PAX3: variants seen among roughly 807,000 people sequenced by gnomAD.
PAX3 encodes paired box protein Pax-3.
In PAX3, 14 loss-of-function variants were observed where a neutral mutation model predicts 51.6. That is an observed-to-expected ratio of 0.27 (90% CI 0.18 to 0.42). The LOEUF (loss-of-function observed/expected upper bound fraction) is 0.42. PAX3 is among the 10% of genes least tolerant of loss of function. The pLI is 1.00. For synonymous variants in PAX3, 280 were observed against 253.4 expected, an observed-to-expected ratio of 1.11 and a Z score of -1.00; for missense variants, 540 against 642.8, an observed-to-expected ratio of 0.84 and a Z score of 1.73.
At chr2:222,209,012 T>C (rs1410341429) in intron 7 of PAX3, among the ~76,000 whole-genome samples, 4 of 152,116 alleles carry the variant, frequency 2.6e-5, no homozygotes, top group Non-Finnish European at 4.4e-5. Flanking sequence ...AAATCACTTA[T>C]AATAAACTAG....
intron 2 of PAX3, 138 bp downstream of exon 2, chr2:222,296,840 G>T: frequency 1.4e-6 from 1 of 726,962 alleles, no homozygotes; most frequent in South Asian, 1.5e-5. Flanking sequence ...ACACACACGC[G>T]CGCCTTTACG....
At chr2:222,298,477 G>A (rs1326496329) in intron 1 of PAX3, 54 bp downstream of exon 1, 2 of 1,453,918 alleles carry the variant, frequency 1.4e-6, no homozygotes, top group Non-Finnish European at 1.9e-6. Context: ...GATGGGGTGA[G>A]GCAGCCGGTC....
intron 4 of PAX3, among the ~76,000 whole-genome samples, chr2:222,292,478 C>G (rs1195388836): frequency 6.6e-6 from 1 of 152,192 alleles, no homozygotes; most frequent in African/African-American, 2.4e-5. Flanking sequence ...GTTTGACCAG[C>G]TCATTTGGGA....
Position 222,274,557 on chromosome 2 carries a change from C to T in PAX3, c.586+19610G>A, listed in dbSNP as rs567883631. Reference sequence around the variant, plus strand: ...TTTTTTTTTTTAAAGTCTGCTTTTGCTACTTTAGAGTGGAAATGTTTTTAA... The same window carrying T: ...TTTTTTTTTTTAAAGTCTGCTTTTGTTACTTTAGAGTGGAAATGTTTTTAA... On this transcript the variant is annotated intron_variant, in intron 4 of 8. Coordinates refer to ENST00000392070, the MANE Select transcript of PAX3 (RefSeq NM_181458.4). 3.1e-4 allele frequency among the ~76,000 whole-genome samples: 47 copies of T among 151,532 alleles called. 2 individuals carry two copies. In the South Asian group the frequency reaches 8.5e-3, roughly 28 times the overall value.
intron 4 of PAX3, among the ~76,000 whole-genome samples, chr2:222,289,168 T>C (rs917611053): frequency 2.6e-5 from 4 of 152,228 alleles, no homozygotes; most frequent in Non-Finnish European, 5.9e-5. Context: ...TTTACCCTCA[T>C]AGATAAGTTA....
At chr2:222,243,224 A>G (rs556168428) in intron 4 of PAX3, among the ~76,000 whole-genome samples, 10 of 152,368 alleles carry the variant, frequency 6.6e-5, no homozygotes, top group African/African-American at 1.9e-4. Context: ...TATGCAAAGA[A>G]GTAAGAAGAC....
chr2:222,208,005 A>G lies in PAX3; in HGVS notation c.1174-5815T>C, dbSNP rs537358191. Reference sequence around the variant, plus strand: ...TATATATATACATATATGTGTGTGTATATATATATATATATAACTTCTAGT... The same window carrying G: ...TATATATATACATATATGTGTGTGTGTATATATATATATATAACTTCTAGT... On this transcript the variant is annotated intron_variant, in intron 7 of 8. Coordinates refer to ENST00000392070, the MANE Select transcript of PAX3 (RefSeq NM_181458.4). 6.3e-3 allele frequency among the ~76,000 whole-genome samples: 485 copies of G among 76,640 alleles called. 3 individuals carry two copies. Among genetic ancestry groups the G allele is most frequent in the Non-Finnish European group, 0.01 (232 of 22,458 alleles). 50.3% of individuals were successfully genotyped at this position (76,640 alleles called of 152,430 possible).
At position 222,282,905 on chromosome 2, in the gene PAX3, A is replaced by T. The variant is rs186650619; in HGVS notation, c.586+11262T>A. On this transcript the variant is annotated intron_variant, in intron 4 of 8. Transcript: ENST00000392070. ...ACTCTAAGCAGTAATTTTGAAACCT[A>T]TGTTCCTACTCAGATATAGGGATAG... 1.9e-3 allele frequency among the ~76,000 whole-genome samples: 294 copies of T among 152,358 alleles called. 1 individual carries two copies. The highest frequency in any genetic ancestry group is 3.4e-3 in the Middle Eastern group (1 of 294).
At chr2:222,276,286 G>A (rs2106166591) in intron 4 of PAX3, among the ~76,000 whole-genome samples, 1 of 152,320 alleles carries the variant, frequency 6.6e-6, no homozygotes, top group East Asian at 1.9e-4. Flanking sequence ...GCATCTCCCT[G>A]CGTGGAAGAA....
At chr2:222,277,402 T>G (rs539479200) in intron 4 of PAX3, among the ~76,000 whole-genome samples, 20 of 152,324 alleles carry the variant, frequency 1.3e-4, no homozygotes, top group Admixed American at 1.0e-3. Context: ...AGCTCCTTGC[T>G]GAACCCACCT....
At chr2:222,256,641 TA>T (rs1345144846) in intron 4 of PAX3, among the ~76,000 whole-genome samples, 1 of 152,250 alleles carries the variant, frequency 6.6e-6, no homozygotes, top group Non-Finnish European at 1.5e-5. Flanking sequence ...AATGCAAAAT[TA>T]AATACTGTAT....
chr2:222,227,049 C>A (rs1692411321), intron 5 of PAX3, among the ~76,000 whole-genome samples: 1 of 151,964 alleles, frequency 6.6e-6, no homozygotes, highest in East Asian at 1.9e-4. Flanking sequence ...ATCTAACCAA[C>A]CCCATATTTT....
At chr2:222,212,790 A>C (rs761150270) in intron 7 of PAX3, among the ~76,000 whole-genome samples, 3 of 152,256 alleles carry the variant, frequency 2.0e-5, no homozygotes, top group Admixed American at 6.5e-5. Context: ...TGCAATAATA[A>C]ATTAAAAGCT....
Position 222,211,480 on chromosome 2 carries a change from T to C in PAX3, c.1173+8660A>G, listed in dbSNP as rs45530233. The stretch of plus-strand genomic sequence containing the variant: ...CCCTTATCTGCCTCATCCTAAATAT[T>C]ATTAGGTAGTTTATAGCCTCTTCTT... On this transcript the variant is annotated intron_variant, in intron 7 of 8. Transcript: ENST00000392070. 3.7e-3 allele frequency among the ~76,000 whole-genome samples: 570 copies of C among 152,276 alleles called. 2 individuals carry two copies. Among genetic ancestry groups the C allele is most frequent in the Non-Finnish European group, 6.9e-3 (466 of 68,008 alleles).
intron 7 of PAX3, among the ~76,000 whole-genome samples, chr2:222,209,440 T>C (rs1322033416): frequency 6.6e-6 from 1 of 152,050 alleles, no homozygotes; most frequent in African/African-American, 2.4e-5. Flanking sequence ...GAAAGGTATT[T>C]CTGGTAATCA....
chr2:222,212,779 A>G (rs1373425821), intron 7 of PAX3, among the ~76,000 whole-genome samples: 2 of 152,232 alleles, frequency 1.3e-5, no homozygotes, highest in Non-Finnish European at 2.9e-5. Flanking sequence ...CATTTTGCAA[A>G]TGCAATAATA....
Position 222,269,189 on chromosome 2 carries a change from C to G in PAX3, c.586+24978G>C, listed in dbSNP as rs566080995. Among the ~76,000 whole-genome samples the G allele has an allele frequency of 1.4e-3, 214 of 152,312 alleles. 1 individual carries two copies. The highest frequency in any genetic ancestry group is 2.4e-3 in the Non-Finnish European group (161 of 68,028). ...GGCTAATACTCCGAACAAATACGGA[C>G]TGTTTCTTTAGCCCCTTTTTTCTCT... On this transcript the variant is annotated intron_variant, in intron 4 of 8. Transcript: ENST00000392070.
At chr2:222,248,556 T>C (rs1693311629) in intron 4 of PAX3, among the ~76,000 whole-genome samples, 1 of 152,236 alleles carries the variant, frequency 6.6e-6, no homozygotes, top group Admixed American at 6.5e-5. Flanking sequence ...GGTCAACTCT[T>C]GTTGCAACCA....
At chr2:222,224,194 A>T (rs1692299315) in intron 5 of PAX3, among the ~76,000 whole-genome samples, 1 of 152,214 alleles carries the variant, frequency 6.6e-6, no homozygotes, top group Non-Finnish European at 1.5e-5. Flanking sequence ...TATATTTATT[A>T]TACAGTATCT....
Sources: allele counts gnomAD v4.1 joint callset (sites outside exome capture counted in the v4.1 genomes callset), GRCh38; gene constraint gnomAD v4.1.1; transcripts MANE v1.5; gene names NCBI Gene and HGNC (gene_info 2026-07-23, HGNC 2026-07-21).